The following LTBP2 variants were observed in gnomAD, a reference collection of about 807,000 sequenced individuals.
LTBP2 encodes latent-transforming growth factor beta-binding protein 2.
A neutral mutation model predicts 210.6 loss-of-function variants in LTBP2; 103 were observed. The observed-to-expected ratio is 0.49, with a 90% CI of 0.42 to 0.58. LTBP2 has a LOEUF of 0.58. Ranked by LOEUF, LTBP2 falls within the 20% of genes least tolerant of loss-of-function variation. The probability of loss-of-function intolerance (pLI) is 0.00; values close to 1 mark genes in which losing one functional copy is unlikely to be tolerated. For missense variants in LTBP2, 2,313 were observed against 2,494.5 expected, an observed-to-expected ratio of 0.93 and a Z score of 1.55; for synonymous variants, 1,007 against 1,015.0, an observed-to-expected ratio of 0.99 and a Z score of 0.15.
At chr14:74,533,732 G>A (rs2087381547) in intron 9 of LTBP2, among the ~76,000 whole-genome samples, 1 of 152,190 alleles carries the variant, frequency 6.6e-6, no homozygotes, top group Non-Finnish European at 1.5e-5. Flanking sequence ...TAAGGGAGGT[G>A]CACTGGTTTC....
intron 3 of LTBP2, among the ~76,000 whole-genome samples, chr14:74,561,672 G>A (rs1176166898): frequency 6.6e-6 from 1 of 152,126 alleles, no homozygotes; most frequent in African/African-American, 2.4e-5. Context: ...TATTTGTTTT[G>A]TAATCAAAAT....
chr14:74,572,798 G>A (rs1395334666), intron 3 of LTBP2, among the ~76,000 whole-genome samples: 6 of 152,118 alleles, frequency 3.9e-5, no homozygotes. Context: ...CTCACTGAGT[G>A]AGCAGCCAGT....
chr14:74,537,990 G>T (rs2087444757), intron 8 of LTBP2, among the ~76,000 whole-genome samples: 1 of 152,154 alleles, frequency 6.6e-6, no homozygotes, highest in Non-Finnish European at 1.5e-5. Context: ...CCTGACCTCA[G>T]GTGATCCGCC....
chr14:74,510,079 G>A lies in LTBP2; in HGVS notation c.3151+12C>T. ...CGGCCTGCGGAGAAGGGGCGCTTCA[G>A]CATCTCTGTACCTTGGCAGCCCTTC... On this transcript the variant is annotated intron_variant, in intron 20 of 35. Transcript: ENST00000261978. 6.2e-7 allele frequency: 1 copy of A among 1,613,994 alleles called. No homozygotes were observed. The highest frequency in any genetic ancestry group is 8.5e-7 in the Non-Finnish European group (1 of 1,180,000).
intron 9 of LTBP2, among the ~76,000 whole-genome samples, chr14:74,534,575 G>A (rs554050154): frequency 1.3e-5 from 2 of 152,256 alleles, no homozygotes; most frequent in African/African-American, 4.8e-5. Context: ...AGCACTCAGG[G>A]ACTGCTGCTT....
intron 18 of LTBP2, among the ~76,000 whole-genome samples, chr14:74,515,093 G>A (rs1312350242): frequency 6.6e-6 from 1 of 152,080 alleles, no homozygotes; most frequent in Non-Finnish European, 1.5e-5. Flanking sequence ...TGTGCCAGAC[G>A]GTGCCTAGCA....
intron 8 of LTBP2, among the ~76,000 whole-genome samples, chr14:74,546,687 C>T (rs754695476): frequency 1.1e-4 from 16 of 152,266 alleles, no homozygotes; most frequent in Middle Eastern, 3.4e-3. Context: ...GGGTACAATT[C>T]GTGTTCTGCA....
chr14:74,588,148 A>C (rs1300623304), intron 2 of LTBP2, among the ~76,000 whole-genome samples: 1 of 152,188 alleles, frequency 6.6e-6, no homozygotes, highest in African/African-American at 2.4e-5. Context: ...TAACAGGAAA[A>C]ACACTTGTCG....
intron 8 of LTBP2, among the ~76,000 whole-genome samples, chr14:74,544,801 C>T (rs1006997114): frequency 6.6e-6 from 1 of 152,162 alleles, no homozygotes; most frequent in East Asian, 1.9e-4. Context: ...GATCTGGAGC[C>T]CACTACTTTT....
intron 6 of LTBP2, 112 bp from the exon 7 acceptor site, chr14:74,551,462 AC>A (rs1367566869): frequency 2.9e-6 from 3 of 1,022,786 alleles, no homozygotes; most frequent in Admixed American, 2.9e-5. Flanking sequence ...GCTATGTGTC[AC>A]CCCAAAACTC....
intron 3 of LTBP2, among the ~76,000 whole-genome samples, chr14:74,557,563 C>T (rs1346391926): frequency 6.6e-6 from 1 of 152,162 alleles, no homozygotes; most frequent in Non-Finnish European, 1.5e-5. Flanking sequence ...TTATTTACCA[C>T]TTGTGAAAAT....
At chr14:74,523,050 C>T (rs2087228633) in intron 15 of LTBP2, 132 bp from the exon 16 acceptor site, 7 of 1,102,096 alleles carry the variant, frequency 6.4e-6, no homozygotes. Flanking sequence ...GCCCTCCCTC[C>T]CATACCCATG....
At chr14:74,564,543 C>T (rs1019037884) in intron 3 of LTBP2, among the ~76,000 whole-genome samples, 1 of 147,542 alleles carries the variant, frequency 6.8e-6, no homozygotes, top group Non-Finnish European at 1.5e-5. Flanking sequence ...TACAGGTGCT[C>T]GCCACCATGC....
intron 3 of LTBP2, among the ~76,000 whole-genome samples, chr14:74,560,989 T>A (rs1273498285): frequency 6.6e-6 from 1 of 152,176 alleles, no homozygotes; most frequent in African/African-American, 2.4e-5. Flanking sequence ...ATGACTGTAC[T>A]ATTTTGTTTG....
At chr14:74,525,822 T>C (rs933572092) in intron 14 of LTBP2, among the ~76,000 whole-genome samples, 3 of 152,196 alleles carry the variant, frequency 2.0e-5, no homozygotes, top group Admixed American at 6.5e-5. Flanking sequence ...TGCTAAGTGG[T>C]GCCATGAAAT....
At chr14:74,532,637 C>A in intron 9 of LTBP2, 89 bp from the exon 10 acceptor site, 1 of 1,457,884 alleles carries the variant, frequency 6.9e-7, no homozygotes. Flanking sequence ...AATACTCTCT[C>A]CAGATAAAAC....
intron 3 of LTBP2, among the ~76,000 whole-genome samples, chr14:74,562,676 C>T (rs940585800): frequency 1.3e-5 from 2 of 152,092 alleles, no homozygotes; most frequent in African/African-American, 4.8e-5. Context: ...TAACCTTTCT[C>T]CTTGTAAGGG....
intron 1 of LTBP2, among the ~76,000 whole-genome samples, chr14:74,608,761 A>T (rs67016725): frequency 5.2e-4 from 77 of 149,278 alleles, no homozygotes; most frequent in African/African-American, 1.6e-3. Context: ...AGAAAAGAAA[A>T]GAAATGAAAA....
intron 2 of LTBP2, among the ~76,000 whole-genome samples, chr14:74,589,461 C>T (rs983825427): frequency 6.6e-6 from 1 of 152,204 alleles, no homozygotes; most frequent in Non-Finnish European, 1.5e-5. Flanking sequence ...AATAGCATTC[C>T]AACCACAAGT....
Sources: gnomAD v4.1 joint callset for allele counts (sites outside exome capture counted in the v4.1 genomes callset) on GRCh38, gnomAD v4.1.1 for gene constraint, MANE v1.5 for transcripts, NCBI Gene and HGNC (gene_info 2026-07-23, HGNC 2026-07-21) for gene names.